CD109: variants seen among roughly 807,000 people sequenced by gnomAD.
The protein encoded by CD109 is CD109 antigen.
Under a neutral mutation model 165.8 loss-of-function variants are expected in CD109, and 149 were observed. The observed-to-expected ratio is 0.90, with a 90% CI of 0.79 to 1.03. The LOEUF is 1.03. Among genes scored for constraint, CD109 ranks in the 50% least tolerant of loss-of-function variants. The probability of loss-of-function intolerance (pLI) is 0.00; values close to 1 mark genes in which losing one functional copy is unlikely to be tolerated. For missense variants in CD109, 1,712 were observed against 1,677.8 expected, an observed-to-expected ratio of 1.02 and a Z score of -0.36; for synonymous variants, 585 against 592.1, an observed-to-expected ratio of 0.99 and a Z score of 0.18.
intron 24 of CD109, among the ~76,000 whole-genome samples, chr6:73,806,292 C>T (rs1048766486): frequency 8.7e-5 from 13 of 149,958 alleles, no homozygotes; most frequent in African/African-American, 3.2e-4. Context: ...TGTTCTCACT[C>T]ATAGGTGGAA....
At chr6:73,782,160 T>TG (rs1177848092) in intron 17 of CD109, among the ~76,000 whole-genome samples, 1 of 152,188 alleles carries the variant, frequency 6.6e-6, no homozygotes, top group Non-Finnish European at 1.5e-5. Flanking sequence ...GGGCTGGTTC[T>TG]TGCCCCAACA....
At chr6:73,725,292 C>T (rs1772093387) in intron 3 of CD109, among the ~76,000 whole-genome samples, 3 of 152,074 alleles carry the variant, frequency 2.0e-5, no homozygotes, top group Admixed American at 1.3e-4. Flanking sequence ...TGCCCTATAG[C>T]AGAAGGAGGG....
intron 4 of CD109, among the ~76,000 whole-genome samples, chr6:73,733,934 C>T (rs1168530183): frequency 2.0e-5 from 3 of 151,956 alleles, no homozygotes; most frequent in East Asian, 1.9e-4. Flanking sequence ...TCTCAGAGAT[C>T]CAGAGCGATC....
chr6:73,787,573 G>A, intron 21 of CD109, 121 bp downstream of exon 21: 5 of 650,750 alleles, frequency 7.7e-6, no homozygotes, highest in South Asian at 2.0e-5. Context: ...TTACCCTTCT[G>A]GTAATGCCTA....
chr6:73,767,252 A>T (rs551081338), intron 13 of CD109, among the ~76,000 whole-genome samples: 1 of 151,868 alleles, frequency 6.6e-6, no homozygotes, highest in Admixed American at 6.6e-5. Context: ...GTTCCCCTCT[A>T]TGTGTCCATG....
chr6:73,809,836 A>T, intron 26 of CD109, 148 bp from the exon 27 acceptor site: 1 of 572,642 alleles, frequency 1.7e-6, no homozygotes, highest in Non-Finnish European at 2.9e-6. Flanking sequence ...ATAAATAAAT[A>T]CATGTCTGGC....
At chr6:73,810,620 C>A (rs1044732985) in intron 27 of CD109, among the ~76,000 whole-genome samples, 1 of 151,886 alleles carries the variant, frequency 6.6e-6, no homozygotes, top group Non-Finnish European at 1.5e-5. Flanking sequence ...TCAGTGGGAT[C>A]TACAGAAATG....
chr6:73,743,720 C>T (rs1447719143), intron 5 of CD109, among the ~76,000 whole-genome samples: 3 of 152,276 alleles, frequency 2.0e-5, no homozygotes, highest in East Asian at 1.9e-4. Flanking sequence ...TGGCTTGTGA[C>T]GACAACTTAA....
At chr6:73,777,972 A>T (rs1426308897) in intron 15 of CD109, among the ~76,000 whole-genome samples, 2 of 152,192 alleles carry the variant, frequency 1.3e-5, no homozygotes, top group Non-Finnish European at 2.9e-5. Flanking sequence ...TAATAGGAAT[A>T]GCATTGAATA....
intron 4 of CD109, among the ~76,000 whole-genome samples, chr6:73,732,661 A>T (rs1467444496): frequency 2.0e-5 from 3 of 152,250 alleles, no homozygotes; most frequent in Non-Finnish European, 4.4e-5. Flanking sequence ...GCAGGCAAAT[A>T]AAAGTTAGCA....
the CD109 span, among the ~76,000 whole-genome samples, chr6:73,690,487 C>T: frequency 6.6e-5 from 10 of 151,670 alleles, no homozygotes; most frequent in Admixed American, 5.2e-4. Context: ...CCGCAACCTC[C>T]GCCTCCCAGG....
At chr6:73,806,785 T>C in intron 24 of CD109, 59 bp from the exon 25 acceptor site, 1 of 1,195,308 alleles carries the variant, frequency 8.4e-7, no homozygotes, top group Non-Finnish European at 1.2e-6. Context: ...GCTTGCTCGG[T>C]GTTATTTGGT....
chr6:73,741,856 A>T (rs1772795724), intron 5 of CD109, among the ~76,000 whole-genome samples: 1 of 152,070 alleles, frequency 6.6e-6, no homozygotes, highest in South Asian at 2.1e-4. Flanking sequence ...TTTTTAGTAG[A>T]GATGGGGTTT....
chr6:73,721,058 C>T (rs1771931079), intron 2 of CD109, among the ~76,000 whole-genome samples: 1 of 152,224 alleles, frequency 6.6e-6, no homozygotes, highest in South Asian at 2.1e-4. Flanking sequence ...CCAATGTGCT[C>T]CTTGTCCTAC....
At chr6:73,782,369 C>T (rs1043275311) in intron 17 of CD109, among the ~76,000 whole-genome samples, 1 of 152,156 alleles carries the variant, frequency 6.6e-6, no homozygotes. Flanking sequence ...TTCTTTTTTA[C>T]ATATTGAATC....
At position 73,768,135 on chromosome 6, in the gene CD109, T is replaced by C. The variant is rs1430370148; in HGVS notation, c.1578T>C (p.Thr526=). The stretch of plus-strand genomic sequence containing the variant: ...CTTTAACACCAGAAAATTCTTGGAC[T>C]CCAAAAGCCTGTGTAATTGTGTATT... ...MFSLTPENSW[T]PKACVIVYYI... is the part of the protein sequence containing the mutation. Residue 526 remains threonine (T), a synonymous_variant, in exon 14 of 33, where the codon ACT becomes ACC. Transcript: ENST00000287097. The C allele has an allele frequency of 6.2e-7, 1 of 1,610,086 alleles. No individual in the cohort carries two copies. Among genetic ancestry groups the C allele is most frequent in the East Asian group, 2.2e-5 (1 of 44,776 alleles).
At chr6:73,767,974 A>C in intron 13 of CD109, 81 bp from the exon 14 acceptor site, 1 of 1,196,044 alleles carries the variant, frequency 8.4e-7, no homozygotes, top group Non-Finnish European at 1.2e-6. Flanking sequence ...GTGTGTATGC[A>C]TACAATTATG....
intron 5 of CD109, among the ~76,000 whole-genome samples, chr6:73,743,424 C>G (rs73754670): frequency 5.3e-5 from 8 of 152,224 alleles, no homozygotes; most frequent in Admixed American, 3.9e-4. Context: ...AACTCAGAAG[C>G]AATCTGCATT....
chr6:73,713,764 C>G (rs1045105720), intron 2 of CD109, among the ~76,000 whole-genome samples: 1 of 152,208 alleles, frequency 6.6e-6, no homozygotes, highest in African/African-American at 2.4e-5. Context: ...AATGAGATTT[C>G]CTGCACTTCA....
Sources: gnomAD v4.1 joint callset for allele counts (sites outside exome capture counted in the v4.1 genomes callset) on GRCh38, gnomAD v4.1.1 for gene constraint, MANE v1.5 for transcripts, NCBI Gene and HGNC (gene_info 2026-07-23, HGNC 2026-07-21) for gene names.